Variants in ENTREP2 observed in about 807,000 individuals in gnomAD.
The protein encoded by ENTREP2 is protein ENTREP2.
the ENTREP2 span, among the ~76,000 whole-genome samples, chr15:29,585,969 A>G: frequency 6.6e-6 from 1 of 152,142 alleles, no homozygotes; most frequent in South Asian, 2.1e-4. Flanking sequence ...AGTCATAGGT[A>G]TATACCCAAG....
At chr15:29,650,675 T>C in the ENTREP2 span, among the ~76,000 whole-genome samples, 2 of 152,248 alleles carry the variant, frequency 1.3e-5, no homozygotes, top group East Asian at 3.9e-4. Context: ...CAAATGTAGG[T>C]ACACAACTTA....
chr15:29,307,319 C>T, the ENTREP2 span, among the ~76,000 whole-genome samples: 101 of 151,668 alleles, frequency 6.7e-4, 1 homozygote, highest in African/African-American at 2.4e-3. Flanking sequence ...TCAAAATAAA[C>T]GTTTAAATAA....
At chr15:29,507,833 A>G in the ENTREP2 span, among the ~76,000 whole-genome samples, 10,272 of 152,204 alleles carry the variant, frequency 0.067, 467 homozygotes, top group South Asian at 0.12. Flanking sequence ...TAACATCACA[A>G]TGAAAAGAAC....
At chr15:29,277,512 G>A in the ENTREP2 span, among the ~76,000 whole-genome samples, 4 of 152,298 alleles carry the variant, frequency 2.6e-5, no homozygotes, top group Non-Finnish European at 4.4e-5. Flanking sequence ...GCGGGAGTGG[G>A]AGGGTGGTTT....
chr15:29,397,429 A>G, the ENTREP2 span, among the ~76,000 whole-genome samples: 1 of 152,166 alleles, frequency 6.6e-6, no homozygotes, highest in Non-Finnish European at 1.5e-5. Flanking sequence ...AAAACACCTT[A>G]TAAGTAAGTA....
the ENTREP2 span, among the ~76,000 whole-genome samples, chr15:29,143,978 C>CTA: frequency 6.6e-6 from 1 of 152,196 alleles, no homozygotes; most frequent in African/African-American, 2.4e-5. Context: ...AGCTTACACT[C>CTA]TAACACATTT....
the ENTREP2 span, among the ~76,000 whole-genome samples, chr15:29,436,564 A>G: frequency 2.6e-5 from 4 of 152,208 alleles, no homozygotes; most frequent in South Asian, 8.3e-4. Flanking sequence ...AAGGTTGGAA[A>G]CTGGCATTAT....
At chr15:29,423,871 G>C in the ENTREP2 span, among the ~76,000 whole-genome samples, 2 of 152,088 alleles carry the variant, frequency 1.3e-5, no homozygotes, top group African/African-American at 4.8e-5. Flanking sequence ...TATCACAGAC[G>C]TATGTGGACA....
the ENTREP2 span, among the ~76,000 whole-genome samples, chr15:29,380,151 G>T: frequency 6.6e-6 from 1 of 152,138 alleles, no homozygotes; most frequent in Non-Finnish European, 1.5e-5. Context: ...GTACACAGGG[G>T]TTCATGACAG....
the ENTREP2 span, among the ~76,000 whole-genome samples, chr15:29,630,782 G>A: frequency 6.6e-6 from 1 of 152,098 alleles, no homozygotes; most frequent in Non-Finnish European, 1.5e-5. Flanking sequence ...CCACCTCCCG[G>A]GTTCAAGTGA....
At chr15:29,628,748 G>T in the ENTREP2 span, among the ~76,000 whole-genome samples, 1 of 152,032 alleles carries the variant, frequency 6.6e-6, no homozygotes, top group African/African-American at 2.4e-5. Flanking sequence ...TTGGATGGTT[G>T]CATCTTTATT....
At chr15:29,152,802 C>T in the ENTREP2 span, among the ~76,000 whole-genome samples, 253 of 152,108 alleles carry the variant, frequency 1.7e-3, no homozygotes, top group Non-Finnish European at 2.0e-3. Flanking sequence ...GATAAATGTC[C>T]AGGAGCACAA....
chr15:29,235,155 G>A, the ENTREP2 span: 6 of 816,650 alleles, frequency 7.3e-6, no homozygotes, highest in East Asian at 5.0e-5. Flanking sequence ...CCTGAGCGAG[G>A]TGGGAGGGGA....
chr15:29,269,512 G>C, the ENTREP2 span: 2 of 1,595,222 alleles, frequency 1.3e-6, no homozygotes, highest in South Asian at 2.2e-5. Context: ...GGCGCCCTGA[G>C]GCGAGGGGCC....
the ENTREP2 span, among the ~76,000 whole-genome samples, chr15:29,488,497 A>G: frequency 6.6e-6 from 1 of 152,244 alleles, no homozygotes; most frequent in Admixed American, 6.5e-5. Context: ...AACACAAAGA[A>G]TATTTGGAGA....
chr15:29,271,083 T>TA, the ENTREP2 span, among the ~76,000 whole-genome samples: 1 of 152,204 alleles, frequency 6.6e-6, no homozygotes, highest in African/African-American at 2.4e-5. Flanking sequence ...GGAACTGCAA[T>TA]AGTAAATGTA....
the ENTREP2 span, chr15:29,233,787 A>T: frequency 1.3e-6 from 2 of 1,553,436 alleles, no homozygotes; most frequent in Admixed American, 3.3e-5. Flanking sequence ...TGGTGTCCAG[A>T]TGCCTCAACA....
chr15:29,540,373 A>G, the ENTREP2 span, among the ~76,000 whole-genome samples: 2 of 152,246 alleles, frequency 1.3e-5, no homozygotes, highest in African/African-American at 4.8e-5. Context: ...ATTATACCCC[A>G]TAAATATGTA....
At chr15:29,616,059 G>A in the ENTREP2 span, among the ~76,000 whole-genome samples, 45,040 of 151,918 alleles carry the variant, frequency 0.3, 9,947 homozygotes, top group African/African-American at 0.62. Context: ...AGGTAACAGT[G>A]TCTGTTGGAG....
Sources: gnomAD v4.1 joint callset for allele counts (sites outside exome capture counted in the v4.1 genomes callset) on GRCh38, gnomAD v4.1.1 for gene constraint, MANE v1.5 for transcripts, NCBI Gene and HGNC (gene_info 2026-07-23, HGNC 2026-07-21) for gene names.